SLC4A4: variants seen among roughly 807,000 people sequenced by gnomAD.
SLC4A4 encodes the protein electrogenic sodium bicarbonate cotransporter 1.
A neutral mutation model predicts 111.5 loss-of-function variants in SLC4A4; 27 were observed. That is an observed-to-expected ratio of 0.24 (90% confidence interval 0.18 to 0.33). The LOEUF is 0.33. SLC4A4 is among the 10% of genes least tolerant of loss of function. The pLI is 1.00. For missense variants in SLC4A4, 909 were observed against 1,315.5 expected (o/e 0.69, Z 4.78); for synonymous variants, 443 against 463.4 (o/e 0.96, Z 0.57).
chr4:71,450,308 C>A (rs1415236722), intron 9 of SLC4A4, 81 bp from the exon 10 acceptor site: 2 of 981,030 alleles, frequency 2.0e-6, no homozygotes, highest in Non-Finnish European at 3.3e-6. Context: ...TTGTTATGGG[C>A]TGCATTCTTC....
intron 6 of SLC4A4, among the ~76,000 whole-genome samples, chr4:71,368,819 A>T: frequency 6.6e-6 from 1 of 152,194 alleles, no homozygotes; most frequent in East Asian, 1.9e-4. Context: ...ATTGAATGTA[A>T]TTTTTTTAGA....
chr4:71,561,586 C>T (rs1736984724), intron 23 of SLC4A4, among the ~76,000 whole-genome samples: 1 of 151,726 alleles, frequency 6.6e-6, no homozygotes, highest in African/African-American at 2.4e-5. Context: ...GCATGAGGCA[C>T]ATTTAGCTAA....
At chr4:71,389,055 A>G (rs1719024405) in intron 6 of SLC4A4, among the ~76,000 whole-genome samples, 1 of 152,216 alleles carries the variant, frequency 6.6e-6, no homozygotes, top group South Asian at 2.1e-4. Context: ...AGAAAATTAA[A>G]AAACAGGAAT....
chr4:71,422,085 G>A (rs774118942), intron 7 of SLC4A4, among the ~76,000 whole-genome samples: 35 of 147,796 alleles, frequency 2.4e-4, no homozygotes, highest in East Asian at 5.9e-4. Flanking sequence ...TTGATAGACC[G>A]CTAGCAAGAC....
intron 16 of SLC4A4, among the ~76,000 whole-genome samples, chr4:71,524,705 C>CT (rs1408770863): frequency 6.6e-6 from 1 of 151,712 alleles, no homozygotes; most frequent in African/African-American, 2.4e-5. Flanking sequence ...ATATTTCAAA[C>CT]TTTTAGGGTA....
intron 7 of SLC4A4, among the ~76,000 whole-genome samples, chr4:71,402,777 G>A (rs1579018664): frequency 2.0e-5 from 3 of 152,194 alleles, no homozygotes; most frequent in Non-Finnish European, 4.4e-5. Context: ...TCCCTGAGGG[G>A]AACTTGTGTA....
intron 17 of SLC4A4, among the ~76,000 whole-genome samples, chr4:71,533,006 T>C (rs1482391074): frequency 6.6e-6 from 1 of 152,152 alleles, no homozygotes; most frequent in Non-Finnish European, 1.5e-5. Context: ...AATATATTCC[T>C]AGCTAATTTT....
intron 6 of SLC4A4, among the ~76,000 whole-genome samples, chr4:71,371,604 C>T (rs1731892001): frequency 6.6e-6 from 1 of 152,088 alleles, no homozygotes; most frequent in East Asian, 1.9e-4. Flanking sequence ...AATGAAGTTC[C>T]ATCTCCTTTG....
chr4:71,425,114 T>C (rs1253094336), intron 7 of SLC4A4, among the ~76,000 whole-genome samples: 2 of 152,088 alleles, frequency 1.3e-5, no homozygotes, highest in Non-Finnish European at 2.9e-5. Flanking sequence ...GATTTAGAAA[T>C]GGAATGTTGA....
chr4:71,181,025 C>G (rs1745273808), intron 2 of SLC4A4, among the ~76,000 whole-genome samples: 1 of 152,006 alleles, frequency 6.6e-6, no homozygotes, highest in Non-Finnish European at 1.5e-5. Flanking sequence ...CCATGGAATA[C>G]TATGCAGCCA....
chr4:71,417,428 A>G (rs1176767922), intron 7 of SLC4A4, among the ~76,000 whole-genome samples: 1 of 152,180 alleles, frequency 6.6e-6, no homozygotes, highest in African/African-American at 2.4e-5. Flanking sequence ...TCTGAGATAG[A>G]TGAATGAGTA....
chr4:71,445,969 T>C (rs1725192254), intron 8 of SLC4A4, among the ~76,000 whole-genome samples: 1 of 152,196 alleles, frequency 6.6e-6, no homozygotes, highest in Non-Finnish European at 1.5e-5. Flanking sequence ...TCCTTCATAC[T>C]TGAACAGACT....
chr4:71,453,886 T>C (rs749359253), intron 12 of SLC4A4, among the ~76,000 whole-genome samples: 8 of 151,988 alleles, frequency 5.3e-5, no homozygotes, highest in Non-Finnish European at 7.4e-5. Context: ...GAGTCACAAG[T>C]AGGGAAAGGA....
intron 3 of SLC4A4, among the ~76,000 whole-genome samples, chr4:71,306,135 TC>T (rs1302570207): frequency 6.6e-6 from 1 of 152,168 alleles, no homozygotes; most frequent in African/African-American, 2.4e-5. Flanking sequence ...TCAGTTCAAG[TC>T]CCTAATTCTC....
chr4:71,567,236 T>C (rs1578202758), intron 25 of SLC4A4, among the ~76,000 whole-genome samples, 153 bp downstream of exon 25: 1 of 151,776 alleles, frequency 6.6e-6, no homozygotes, highest in Non-Finnish European at 1.5e-5. Context: ...TTGTTCCAGC[T>C]TTTACTAGTA....
At chr4:71,449,228 C>G (rs1161806573) in intron 9 of SLC4A4, among the ~76,000 whole-genome samples, 1 of 152,116 alleles carries the variant, frequency 6.6e-6, no homozygotes, top group Non-Finnish European at 1.5e-5. Flanking sequence ...ACCATCAGCT[C>G]CAGTCATCTT....
intron 7 of SLC4A4, among the ~76,000 whole-genome samples, chr4:71,421,858 G>A (rs1015397456): frequency 3.3e-5 from 5 of 151,918 alleles, no homozygotes; most frequent in Admixed American, 6.6e-5. Context: ...GAAATTTATA[G>A]CACTAAATGC....
Position 71,542,658 on chromosome 4 carries a change from T to G in SLC4A4, c.2443-3692T>G, listed in dbSNP as rs144484405. Reference sequence around the variant, plus strand: ...CTCATATTTTAGAACTCAACCTAAATACTACCCCCATGCAAACCATCCCTG... The same window carrying G: ...CTCATATTTTAGAACTCAACCTAAAGACTACCCCCATGCAAACCATCCCTG... On this transcript the variant is annotated intron_variant, in intron 18 of 25. Transcript: ENST00000264485. 1.0e-3 allele frequency among the ~76,000 whole-genome samples: 157 copies of G among 152,194 alleles called. 1 individual carries two copies. In the East Asian group the frequency reaches 0.011, roughly 11 times the overall value.
At chr4:71,354,364 G>A (rs1364402500) in intron 5 of SLC4A4, among the ~76,000 whole-genome samples, 1 of 152,052 alleles carries the variant, frequency 6.6e-6, no homozygotes, top group East Asian at 1.9e-4. Flanking sequence ...TTTCAAAATG[G>A]CAATAACTTT....
Sources: allele counts gnomAD v4.1 joint callset (sites outside exome capture counted in the v4.1 genomes callset), GRCh38; gene constraint gnomAD v4.1.1; transcripts MANE v1.5; gene names NCBI Gene and HGNC (gene_info 2026-07-23, HGNC 2026-07-21).